The following FAT3 variants were observed in gnomAD, a reference collection of about 807,000 sequenced individuals.
The protein encoded by FAT3 is protocadherin Fat 3.
FAT3 carries 95 observed loss-of-function variants against 310.2 expected under a neutral mutation model. That is an observed-to-expected ratio of 0.31 (90% CI 0.26 to 0.36). FAT3 has a LOEUF of 0.36. Among genes scored for constraint, FAT3 ranks in the 10% least tolerant of loss-of-function variants. The pLI, the probability that FAT3 is intolerant of heterozygous loss-of-function variation, is 1.00. For missense variants in FAT3, 5,408 were observed against 5,715.6 expected (o/e 0.95, Z 1.74); for synonymous variants, 2,314 against 2,192.9 (o/e 1.06, Z -1.54).
intron 4 of FAT3, among the ~76,000 whole-genome samples, chr11:92,751,142 C>T (rs969106514): frequency 1.3e-5 from 2 of 152,134 alleles, no homozygotes; most frequent in Non-Finnish European, 2.9e-5. Flanking sequence ...GAAAAGGTGG[C>T]CATGCCCATG....
Position 92,801,408 on chromosome 11 carries a change from G to A in FAT3, c.8395G>A (p.Asp2799Asn). The change falls in exon 10 of 28, where the codon GAT becomes AAT. Residue 2799 changes from aspartate to asparagine, a missense_variant. Physicochemically the swap from Asp to Asn is conservative, Grantham distance 23 (BLOSUM62 1). Around this residue, in one of 5 missense-constraint regions of FAT3, gnomAD observed 4,588 missense variants for 4,809.8 expected, o/e 0.95. Coordinates refer to ENST00000525166, the MANE Select transcript of FAT3 (RefSeq NM_001367949.2). ...CAAAGTAGACATTGTGTTTACTGTG[G>A]ATGTAGATATCAAGGTATTGGATTT... Reference protein sequence around the residue: ...LDKVDIVFTVDVDIKVLDLND... With the variant: ...LDKVDIVFTVNVDIKVLDLND... 1 of 1,613,944 alleles carries A rather than the reference G, an allele frequency of 6.2e-7. No homozygotes were observed.
chr11:92,723,336 T>G (rs1944915996), intron 4 of FAT3, among the ~76,000 whole-genome samples: 1 of 152,206 alleles, frequency 6.6e-6, no homozygotes, highest in South Asian at 2.1e-4. Flanking sequence ...TTGCTCCAGT[T>G]GCCAACAAGT....
At chr11:92,674,858 G>C (rs559916848) in intron 3 of FAT3, among the ~76,000 whole-genome samples, 1 of 152,164 alleles carries the variant, frequency 6.6e-6, no homozygotes, top group South Asian at 2.1e-4. Context: ...GGCATAAAAT[G>C]ATCTAGAAAA....
intron 2 of FAT3, among the ~76,000 whole-genome samples, chr11:92,448,810 C>T (rs192941538): frequency 2.2e-4 from 34 of 152,272 alleles, no homozygotes; most frequent in Non-Finnish European, 5.0e-4. Context: ...TTTAACTTGT[C>T]ACTAAGCCCC....
chr11:92,454,935 A>G lies in FAT3; in HGVS notation c.3293-69699A>G, dbSNP rs377491685. ...GCCTCATTATACAGATAAAGAAAAT[A>G]AGGCTTAGGCAGCTTAGGGAAATTT... On this transcript the variant is annotated intron_variant, in intron 2 of 27. Transcript: ENST00000525166. Among the ~76,000 whole-genome samples, 16 of 152,284 alleles carry G rather than the reference A, an allele frequency of 1.1e-4. No individual in the cohort carries two copies. In the East Asian group the frequency reaches 2.5e-3, roughly 24 times the overall value.
chr11:92,474,743 G>A (rs1368619828), intron 2 of FAT3, among the ~76,000 whole-genome samples: 1 of 152,156 alleles, frequency 6.6e-6, no homozygotes, highest in Non-Finnish European at 1.5e-5. Flanking sequence ...AAGAGGTGAA[G>A]GGAAGAGTGT....
At chr11:92,293,731 A>C (rs144187209) in intron 1 of FAT3, among the ~76,000 whole-genome samples, 1 of 151,600 alleles carries the variant, frequency 6.6e-6, no homozygotes, top group African/African-American at 2.4e-5. Context: ...CCATGGTCAG[A>C]GCACATAGAA....
chr11:92,401,173 T>C (rs1950005509), intron 2 of FAT3, among the ~76,000 whole-genome samples: 1 of 152,172 alleles, frequency 6.6e-6, no homozygotes, highest in African/African-American at 2.4e-5. Context: ...CTTTACTAGT[T>C]ATTTTGATGA....
intron 2 of FAT3, among the ~76,000 whole-genome samples, chr11:92,419,543 G>T (rs776215352): frequency 6.6e-6 from 1 of 152,150 alleles, no homozygotes; most frequent in Non-Finnish European, 1.5e-5. Context: ...ACAGAGAAGA[G>T]ATAGGGGAGT....
intron 2 of FAT3, among the ~76,000 whole-genome samples, chr11:92,368,172 C>T (rs1949077613): frequency 6.6e-6 from 1 of 151,948 alleles, no homozygotes; most frequent in African/African-American, 2.4e-5. Context: ...CCTAGGATAA[C>T]AATTTTGTAA....
intron 4 of FAT3, among the ~76,000 whole-genome samples, chr11:92,753,892 A>T (rs1385933637): frequency 6.6e-6 from 1 of 151,562 alleles, no homozygotes; most frequent in Non-Finnish European, 1.5e-5. Context: ...AAGTAAAGTA[A>T]CTCAGGAATG....
intron 4 of FAT3, among the ~76,000 whole-genome samples, chr11:92,733,026 A>C (rs1945232904): frequency 6.6e-6 from 1 of 152,204 alleles, no homozygotes; most frequent in Non-Finnish European, 1.5e-5. Context: ...CAGAAGTAAG[A>C]ACAGCAGGCT....
chr11:92,721,697 G>T (rs1944863513), intron 4 of FAT3, among the ~76,000 whole-genome samples: 1 of 152,064 alleles, frequency 6.6e-6, no homozygotes, highest in African/African-American at 2.4e-5. Context: ...TCATGCTGCT[G>T]ATAAAGACAT....
chr11:92,605,907 T>A (rs1940268536), intron 3 of FAT3, among the ~76,000 whole-genome samples: 1 of 152,082 alleles, frequency 6.6e-6, no homozygotes, highest in African/African-American at 2.4e-5. Flanking sequence ...TGCAAGCATC[T>A]GATTTCAGAA....
At chr11:92,372,013 C>T (rs565081896) in intron 2 of FAT3, among the ~76,000 whole-genome samples, 2 of 152,312 alleles carry the variant, frequency 1.3e-5, no homozygotes, top group East Asian at 3.9e-4. Context: ...AGCCTGTTTT[C>T]AGTTGCTCTG....
intron 3 of FAT3, among the ~76,000 whole-genome samples, chr11:92,552,650 A>G (rs1954859098): frequency 6.6e-6 from 1 of 152,206 alleles, no homozygotes. Flanking sequence ...TTTACAAGAT[A>G]AATAACAAAG....
intron 22 of FAT3, among the ~76,000 whole-genome samples, chr11:92,878,948 C>T (rs1208992689): frequency 6.6e-6 from 1 of 151,828 alleles, no homozygotes; most frequent in Non-Finnish European, 1.5e-5. Flanking sequence ...TTGCAAGAGC[C>T]CACTGAGTAT....
rs375922207 is a variant in FAT3, at chr11:92,327,792, A to G, written c.-17-24304A>G. 9.8e-5 allele frequency among the ~76,000 whole-genome samples: 15 copies of G among 152,320 alleles called. No individual in the cohort carries two copies. The South Asian group carries it at 2.1e-3, about 21-fold the overall frequency. ...TTAACCCAAGAGAGTTCTCACCAAT[A>G]AAACAAGGGGGATAGTTTGCCTCTT... On this transcript the variant is annotated intron_variant, in intron 1 of 27. Transcript: ENST00000525166.
chr11:92,488,756 C>T (rs1952509913), intron 2 of FAT3, among the ~76,000 whole-genome samples: 2 of 152,034 alleles, frequency 1.3e-5, no homozygotes, highest in Admixed American at 1.3e-4. Context: ...AGCCTTCTCC[C>T]ACCTCAGCCT....
Sources: gnomAD v4.1 joint callset for allele counts (sites outside exome capture counted in the v4.1 genomes callset) on GRCh38, gnomAD v4.1.1 for gene constraint, gnomAD v4.1.1 regional missense constraint, MANE v1.5 for transcripts, NCBI Gene and HGNC (gene_info 2026-07-23, HGNC 2026-07-21) for gene names.